CDC42BPA: variants seen among roughly 807,000 people sequenced by gnomAD.
CDC42BPA encodes CDC42 binding protein kinase alpha, also known as serine/threonine-protein kinase MRCK alpha.
A neutral mutation model predicts 223.5 loss-of-function variants in CDC42BPA; 80 were observed. The ratio of observed to expected loss-of-function variants is 0.36; its 90% CI spans 0.30 to 0.43. CDC42BPA has a LOEUF of 0.43. CDC42BPA is among the 20% of genes least tolerant of loss of function. CDC42BPA has a pLI of 1.00. For synonymous variants in CDC42BPA, 694 were observed against 718.6 expected, an observed-to-expected ratio of 0.97 and a Z score of 0.55; for missense variants, 1,743 against 2,099.9, an observed-to-expected ratio of 0.83 and a Z score of 3.32.
intron 16 of CDC42BPA, among the ~76,000 whole-genome samples, chr1:227,089,890 T>C (rs547323355): frequency 1.6e-4 from 24 of 152,334 alleles, no homozygotes; most frequent in Admixed American, 6.5e-4. Context: ...TATTTTCCAA[T>C]ACAATTTTTC....
Position 227,143,142 on chromosome 1 carries a change from A to G in CDC42BPA, c.1144-118T>C, listed in dbSNP as rs188031662. 4.5e-3 allele frequency: 2,414 copies of G among 532,788 alleles called. 24 individuals are homozygous for G. Among genetic ancestry groups the G allele is most frequent in the Non-Finnish European group, 6.4e-3 (2,067 of 323,998 alleles). The allele number at this position is 532,788 out of a possible 1,614,324, so 33.0% of individuals were successfully genotyped here. On this transcript the variant is annotated intron_variant, in intron 8 of 36. Transcript: ENST00000366766. ...AAAAAAATTGTGACTGTTCAATTTT[A>G]AAACACTGGTAAGTTTGGTATAGTT...
rs182483193 is a variant in CDC42BPA, at chr1:227,255,775, A to G, written c.179-1620T>C. ...GTGAAAGACTTGTACATTGGAAACT[A>G]CAGAATATTGCTGATAAAAATTAAA... On this transcript the variant is annotated intron_variant, in intron 1 of 36. Coordinates refer to ENST00000366766, the MANE Select transcript of CDC42BPA (RefSeq NM_001394014.1). 1.5e-3 allele frequency among the ~76,000 whole-genome samples: 233 copies of G among 152,352 alleles called. 2 individuals are homozygous for G. The highest frequency in any genetic ancestry group is 5.4e-3 in the African/African-American group (223 of 41,586).
intron 1 of CDC42BPA, among the ~76,000 whole-genome samples, chr1:227,272,039 T>G (rs575410116): frequency 3.9e-4 from 60 of 152,346 alleles, no homozygotes; most frequent in Non-Finnish European, 7.4e-4. Flanking sequence ...CTCTTTCATA[T>G]GTTTAAAATA....
intron 3 of CDC42BPA, among the ~76,000 whole-genome samples, chr1:227,205,305 T>TACAC (rs1338918448): frequency 7.8e-6 from 1 of 128,096 alleles, no homozygotes. Flanking sequence ...TATATATATA[T>TACAC]ACACACACAC....
intron 34 of CDC42BPA, among the ~76,000 whole-genome samples, chr1:227,013,077 C>T (rs1665521266): frequency 6.6e-6 from 1 of 152,094 alleles, no homozygotes; most frequent in South Asian, 2.1e-4. Flanking sequence ...ATGCATACTA[C>T]ATGTACAGGT....
chr1:227,100,762 G>GTA (rs1684889132), intron 15 of CDC42BPA, among the ~76,000 whole-genome samples: 1 of 146,192 alleles, frequency 6.8e-6, no homozygotes, highest in African/African-American at 2.5e-5. Context: ...GTGTGTGTGT[G>GTA]TGTGTGTGTG....
chr1:227,016,812 G>T, intron 33 of CDC42BPA, 115 bp downstream of exon 33: 1 of 1,028,926 alleles, frequency 9.7e-7, no homozygotes, highest in Non-Finnish European at 1.4e-6. Context: ...TGACACCACA[G>T]ATCAATGAGA....
chr1:227,105,848 T>C (rs1459362896), intron 14 of CDC42BPA, among the ~76,000 whole-genome samples: 1 of 152,226 alleles, frequency 6.6e-6, no homozygotes, highest in East Asian at 1.9e-4. Flanking sequence ...CATCTGTTGA[T>C]GAACACTTGG....
In CDC42BPA at chr1:227,005,108, G is replaced by C. The variant is rs748038725; in HGVS notation, c.4861C>G (p.Pro1621Ala). Residue 1621 changes from proline (P) to alanine (A), a missense_variant, in exon 35 of 37, where the codon CCT becomes GCT. Around this residue, in one of 6 missense-constraint regions of CDC42BPA, gnomAD observed 200 missense variants for 192.8 expected, o/e 1.04. Transcript: ENST00000366766. The part of the protein sequence containing the change: ...IQILKDLPMN[P>A]RPQESRTVFS... The stretch of plus-strand genomic sequence containing the variant: ...ACTGTCCGACTTTCCTGAGGCCGAG[G>C]GTTCTATAAACAAAAGCGAGAGAGA... 6 of 1,607,670 alleles carry C rather than the reference G, an allele frequency of 3.7e-6. No homozygotes were observed. In the Admixed American group the frequency reaches 8.3e-5, roughly 22 times the overall value.
At chr1:227,225,077 G>A (rs1357296272) in intron 2 of CDC42BPA, among the ~76,000 whole-genome samples, 1 of 152,006 alleles carries the variant, frequency 6.6e-6, no homozygotes, top group Non-Finnish European at 1.5e-5. Flanking sequence ...ACTTCTTTGG[G>A]GCCATAAGAA....
chr1:227,126,738 A>AATCATTGTTCAT (rs1307622760), intron 11 of CDC42BPA, among the ~76,000 whole-genome samples: 1 of 152,188 alleles, frequency 6.6e-6, no homozygotes, highest in Non-Finnish European at 1.5e-5. Context: ...ATTTTTTGAA[A>AATCATTGTTCAT]ATCGTATGTT....
In CDC42BPA at chr1:227,119,946, A is replaced by G. The variant is rs763074665; in HGVS notation, c.1514-9T>C. 4.9e-5 allele frequency: 77 copies of G among 1,571,346 alleles called. No individual in the cohort carries two copies. The highest frequency in any genetic ancestry group is 6.0e-5 in the Non-Finnish European group (70 of 1,164,256). On this transcript the variant is annotated splice_polypyrimidine_tract_variant and intron_variant, in intron 11 of 36. Transcript: ENST00000366766. ...TTCCAAATGACTTGATTCTAAAAAC[A>G]AAAGACAATGTTTCTTTTACTATTT...
intron 3 of CDC42BPA, among the ~76,000 whole-genome samples, chr1:227,203,481 G>A (rs971172873): frequency 6.6e-6 from 1 of 151,968 alleles, no homozygotes; most frequent in African/African-American, 2.4e-5. Flanking sequence ...CATATACCCT[G>A]GGTATATATA....
intron 1 of CDC42BPA, among the ~76,000 whole-genome samples, chr1:227,311,069 TCA>T (rs1490389647): frequency 6.6e-6 from 1 of 152,098 alleles, no homozygotes; most frequent in African/African-American, 2.4e-5. Flanking sequence ...AAAACAAAAA[TCA>T]CACGAAGTGC....
intron 30 of CDC42BPA, among the ~76,000 whole-genome samples, chr1:227,027,544 C>T (rs935201329): frequency 3.3e-5 from 5 of 151,894 alleles, no homozygotes; most frequent in African/African-American, 9.7e-5. Context: ...GGTTTTTTTT[C>T]CCTTCAGCAT....
chr1:227,079,978 G>A (rs1043113248), intron 17 of CDC42BPA, among the ~76,000 whole-genome samples: 1 of 151,172 alleles, frequency 6.6e-6, no homozygotes, highest in African/African-American at 2.4e-5. Flanking sequence ...TAGCCTGAAG[G>A]TTAACTTTTT....
chr1:227,042,297 G>GAGATATATATATATATATATATATAT lies in CDC42BPA; in HGVS notation c.3094-2062_3094-2061insATATATATATATATATATATATATCT, dbSNP rs922408596. Among the ~76,000 whole-genome samples the GAGATATATATATATATATATATATAT allele has an allele frequency of 3.9e-3, 580 of 147,642 alleles. 14 individuals carry two copies. The highest frequency in any genetic ancestry group is 0.014 in the African/African-American group (545 of 38,652). On this transcript the variant is annotated intron_variant, in intron 23 of 36. Coordinates refer to ENST00000366766, the MANE Select transcript of CDC42BPA (RefSeq NM_001394014.1). The stretch of plus-strand genomic sequence containing the variant: ...TCCCGAATTGCACATATACATATAT[G>GAGATATATATATATATATATATATAT]ATATATATATATATATATCATACAC...
intron 5 of CDC42BPA, among the ~76,000 whole-genome samples, chr1:227,181,240 A>G (rs907542659): frequency 6.6e-6 from 1 of 152,234 alleles, no homozygotes; most frequent in South Asian, 2.1e-4. Flanking sequence ...TATGACTGCC[A>G]AAATAGTATT....
chr1:227,171,485 C>T (rs1324255885), intron 5 of CDC42BPA, among the ~76,000 whole-genome samples: 1 of 152,082 alleles, frequency 6.6e-6, no homozygotes, highest in Admixed American at 6.5e-5. Flanking sequence ...GTGGTCCACG[C>T]CTGCGCTAGT....
Sources: gnomAD v4.1 joint callset for allele counts (sites outside exome capture counted in the v4.1 genomes callset) on GRCh38, gnomAD v4.1.1 for gene constraint, gnomAD v4.1.1 regional missense constraint, MANE v1.5 for transcripts, NCBI Gene and HGNC (gene_info 2026-07-23, HGNC 2026-07-21) for gene names.